SLC39A8: variants seen among roughly 807,000 people sequenced by gnomAD.
The protein encoded by SLC39A8 is solute carrier family 39 member 8.
SLC39A8 carries 15 observed loss-of-function variants against 40.4 expected under a neutral mutation model. The ratio of observed to expected loss-of-function variants is 0.37; its 90% CI spans 0.25 to 0.57. The LOEUF (loss-of-function observed/expected upper bound fraction) is 0.57, where lower values mean the gene tolerates loss of function less well. SLC39A8 is among the 20% of genes least tolerant of loss of function. The pLI is 0.75. For synonymous variants in SLC39A8, 223 were observed against 221.6 expected (o/e 1.01, Z -0.06); for missense variants, 472 against 558.8 (o/e 0.84, Z 1.57).
chr4:102,344,998 T>G, intron 1 of SLC39A8, 83 bp from the exon 2 acceptor site: 1 of 923,994 alleles, frequency 1.1e-6, no homozygotes, highest in Non-Finnish European at 1.3e-6. Flanking sequence ...TGCGTGGCAG[T>G]AGCCCTCAAA....
At chr4:102,343,724 G>A (rs1736035773) in intron 2 of SLC39A8, among the ~76,000 whole-genome samples, 1 of 152,176 alleles carries the variant, frequency 6.6e-6, no homozygotes, top group Admixed American at 6.5e-5. Context: ...CTGCTCCTAC[G>A]TAGTTTGAAG....
Position 102,320,193 on chromosome 4 carries a change from A to ATATATATATG in SLC39A8, c.220-4373_220-4364dup, listed in dbSNP as rs1560560857. Among the ~76,000 whole-genome samples, 452 of 131,800 alleles carry ATATATATATG rather than the reference A, an allele frequency of 3.4e-3. 4 individuals carry two copies. The highest frequency in any genetic ancestry group is 0.012 in the African/African-American group (427 of 34,416). The allele number at this position is 131,800 out of a possible 152,430, so 86.5% of individuals were successfully genotyped here. ...CATATATATATATATATATATATGTATATATATATGTATATATATATGTAT... is the reference window on the plus strand; with the variant it reads ...CATATATATATATATATATATATGTATATATATATGTATATATATGTATATATATATGTAT... On this transcript the variant is annotated intron_variant, in intron 2 of 8. Transcript: ENST00000356736.
chr4:102,301,840 TA>T (rs1733940176), intron 6 of SLC39A8, among the ~76,000 whole-genome samples: 1 of 152,010 alleles, frequency 6.6e-6, no homozygotes, highest in Non-Finnish European at 1.5e-5. Flanking sequence ...AATTATGATT[TA>T]AAAAAATAAT....
chr4:102,334,608 T>C (rs913806798), intron 2 of SLC39A8, among the ~76,000 whole-genome samples: 4 of 152,182 alleles, frequency 2.6e-5, no homozygotes, highest in African/African-American at 4.8e-5. Context: ...AAATAAATGA[T>C]TGTACAGTTC....
At chr4:102,294,808 A>G (rs1246578600) in intron 6 of SLC39A8, among the ~76,000 whole-genome samples, 5 of 152,128 alleles carry the variant, frequency 3.3e-5, no homozygotes, top group Admixed American at 3.3e-4. Context: ...GGAAACATAA[A>G]AGTAAACTTA....
intron 6 of SLC39A8, among the ~76,000 whole-genome samples, chr4:102,292,836 C>G (rs1301694178): frequency 6.6e-6 from 1 of 152,050 alleles, no homozygotes; most frequent in African/African-American, 2.4e-5. Context: ...CATACCTACT[C>G]TTAGTCATAA....
At chr4:102,288,523 A>C (rs993523665) in intron 6 of SLC39A8, among the ~76,000 whole-genome samples, 2 of 152,168 alleles carry the variant, frequency 1.3e-5, no homozygotes, top group Admixed American at 6.6e-5. Flanking sequence ...AAAGATAGAA[A>C]TGATTAAACT....
At chr4:102,299,306 A>G (rs1733811393) in intron 6 of SLC39A8, among the ~76,000 whole-genome samples, 1 of 152,062 alleles carries the variant, frequency 6.6e-6, no homozygotes, top group East Asian at 1.9e-4. Context: ...ATACTTAAAA[A>G]AAAAAAAAGA....
At chr4:102,287,961 T>C (rs930764777) in intron 6 of SLC39A8, among the ~76,000 whole-genome samples, 1 of 152,164 alleles carries the variant, frequency 6.6e-6, no homozygotes, top group African/African-American at 2.4e-5. Flanking sequence ...TTCTTGCACG[T>C]GACAGGTACC....
At chr4:102,303,342 T>C (rs759650046) in intron 6 of SLC39A8, among the ~76,000 whole-genome samples, 2 of 151,942 alleles carry the variant, frequency 1.3e-5, no homozygotes, top group Admixed American at 6.6e-5. Context: ...CTTGATACCA[T>C]TAAAGGGGCC....
At chr4:102,269,529 T>C (rs879132234) in intron 6 of SLC39A8, among the ~76,000 whole-genome samples, 2 of 152,374 alleles carry the variant, frequency 1.3e-5, no homozygotes, top group East Asian at 1.9e-4. Flanking sequence ...TGCTAGGCAC[T>C]GTTCTAAGCA....
At position 102,279,157 on chromosome 4, in the gene SLC39A8, AAAG is replaced by A. The variant is rs565748917; in HGVS notation, c.841-11081_841-11079del. 2.3e-3 allele frequency among the ~76,000 whole-genome samples: 353 copies of A among 152,186 alleles called. 1 individual carries two copies. Among genetic ancestry groups the A allele is most frequent in the Non-Finnish European group, 4.4e-3 (300 of 67,974 alleles). On this transcript the variant is annotated intron_variant, in intron 6 of 8. Transcript: ENST00000356736. ...ACTTTAAGTATAATAATAAAAAAAA[AAAG>A]AATTCTTGCCTCCTGTCCCCGAAAC...
intron 2 of SLC39A8, among the ~76,000 whole-genome samples, chr4:102,340,345 A>G (rs1467100097): frequency 6.6e-6 from 1 of 152,226 alleles, no homozygotes; most frequent in African/African-American, 2.4e-5. Flanking sequence ...ATATAATTGC[A>G]ATATATAATA....
intron 2 of SLC39A8, among the ~76,000 whole-genome samples, chr4:102,319,444 G>A (rs1455047930): frequency 6.6e-6 from 1 of 152,058 alleles, no homozygotes; most frequent in Non-Finnish European, 1.5e-5. Flanking sequence ...CATCCTTACA[G>A]GACCTGCATC....
Position 102,263,139 on chromosome 4 carries a change from A to G in SLC39A8, c.1288T>C (p.Phe430Leu). ...REKVTGRKTD[F>L]TFFMIQNAGM... ...GCATTCTGAATCATGAAGAAGGTGAAATCGGTTTTTCTTCCAGTTACCTTT... is the reference window on the plus strand; with the variant it reads ...GCATTCTGAATCATGAAGAAGGTGAGATCGGTTTTTCTTCCAGTTACCTTT... The change falls in exon 9 of 9, where the codon TTC (phenylalanine) becomes CTC (leucine). Residue 430 changes from phenylalanine (F) to leucine (L), a missense_variant. Around this residue, in one of 4 missense-constraint regions of SLC39A8, gnomAD observed 50 missense variants for 50.5 expected, o/e 0.99. Transcript: ENST00000356736. 6.2e-7 allele frequency: 1 copy of G among 1,613,854 alleles called. No individual in the cohort carries two copies. The highest frequency in any genetic ancestry group is 8.5e-7 in the Non-Finnish European group (1 of 1,179,786).
intron 6 of SLC39A8, 75 bp from the exon 7 acceptor site, chr4:102,268,154 TTGTG>T (rs751281557): frequency 2.9e-5 from 44 of 1,503,310 alleles, no homozygotes; most frequent in Non-Finnish European, 3.7e-5. Flanking sequence ...TGGAGATGGG[TTGTG>T]CTTGAGAAAA....
intron 2 of SLC39A8, among the ~76,000 whole-genome samples, chr4:102,321,835 G>C (rs1323363341): frequency 2.0e-5 from 3 of 152,232 alleles, no homozygotes; most frequent in Non-Finnish European, 1.5e-5. Context: ...TCATAGCTGA[G>C]TGGGAGTAGT....
intron 6 of SLC39A8, among the ~76,000 whole-genome samples, chr4:102,291,888 T>A (rs1733464102): frequency 6.6e-6 from 1 of 151,882 alleles, no homozygotes; most frequent in Admixed American, 6.6e-5. Context: ...GGAAATCCTG[T>A]CATTTCCTTC....
At chr4:102,254,192 G>A (rs550499728) in intron 11 of SLC39A8, among the ~76,000 whole-genome samples, 1 of 152,226 alleles carries the variant, frequency 6.6e-6, no homozygotes, top group East Asian at 1.9e-4. Context: ...TCCCATTTGT[G>A]CACAATTACT....
Sources: gnomAD v4.1 joint callset for allele counts (sites outside exome capture counted in the v4.1 genomes callset) on GRCh38, gnomAD v4.1.1 for gene constraint, gnomAD v4.1.1 regional missense constraint, MANE v1.5 for transcripts, NCBI Gene and HGNC (gene_info 2026-07-23, HGNC 2026-07-21) for gene names.